Variants in TRAM2 observed in about 807,000 individuals in gnomAD.
The protein encoded by TRAM2 is translocating chain-associated membrane protein 2.
TRAM2 carries 12 observed loss-of-function variants against 51.0 expected under a neutral mutation model. The ratio of observed to expected loss-of-function variants is 0.24; its 90% CI spans 0.15 to 0.38. The LOEUF (loss-of-function observed/expected upper bound fraction) is 0.38. Among genes scored for constraint, TRAM2 ranks in the 10% least tolerant of loss-of-function variants. TRAM2 has a pLI of 1.00. For missense variants in TRAM2, 361 were observed against 462.0 expected (o/e 0.78, Z 2.00); for synonymous variants, 175 against 179.4 (o/e 0.98, Z 0.20).
At chr6:52,532,299 AG>A (rs951116643) in intron 2 of TRAM2, among the ~76,000 whole-genome samples, 5 of 152,214 alleles carry the variant, frequency 3.3e-5, no homozygotes, top group Admixed American at 1.3e-4. Flanking sequence ...ATGGTAAATT[AG>A]TAAGACAGCT....
At chr6:52,549,251 C>T (rs1767264871) in intron 1 of TRAM2, among the ~76,000 whole-genome samples, 1 of 138,562 alleles carries the variant, frequency 7.2e-6, no homozygotes, top group African/African-American at 2.5e-5. Flanking sequence ...CCCTCCTTCC[C>T]TCCCTTCCCT....
Position 52,535,796 on chromosome 6 carries a change from G to A in TRAM2, c.171C>T (p.Ser57=), listed in dbSNP as rs1425295928. ...AGTGATTCTTACCTGCTGTAGGCAC[G>A]CTAATGTTATACTGAGGTAAAATAA... ...FLFILPQYNI[S]VPTADSETVH... Residue 57 remains serine (S), a synonymous_variant, in exon 2 of 11, where the codon AGC becomes AGT. Transcript: ENST00000182527. The A allele has an allele frequency of 8.7e-6, 14 of 1,613,632 alleles. No homozygotes were observed. The highest frequency in any genetic ancestry group is 1.3e-5 in the African/African-American group (1 of 74,878).
chr6:52,521,731 C>T (rs868421197), intron 2 of TRAM2, among the ~76,000 whole-genome samples: 10 of 114,098 alleles, frequency 8.8e-5, no homozygotes, highest in East Asian at 4.7e-4. Flanking sequence ...TAAAATAAAA[C>T]AAAACAAAAT....
chr6:52,574,772 C>T (rs1049621328), intron 1 of TRAM2, among the ~76,000 whole-genome samples: 10 of 152,144 alleles, frequency 6.6e-5, no homozygotes, highest in African/African-American at 2.4e-4. Context: ...AGGTTTAATG[C>T]ACAGGACTTT....
At chr6:52,523,137 T>C (rs2114076369) in intron 2 of TRAM2, 1 of 414,510 alleles carries the variant, frequency 2.4e-6, no homozygotes, top group Non-Finnish European at 4.2e-6. Context: ...CAAATCTGGA[T>C]TTGTAAAATT....
chr6:52,535,920 G>GCC (rs1457390083), intron 1 of TRAM2, 74 bp from the exon 2 acceptor site: 3 of 1,307,360 alleles, frequency 2.3e-6, no homozygotes, highest in African/African-American at 2.9e-5. Flanking sequence ...GCTGCTAACC[G>GCC]CCCCTTTTAC....
chr6:52,522,965 C>A, intron 2 of TRAM2: 1 of 700,480 alleles, frequency 1.4e-6, no homozygotes, highest in South Asian at 1.5e-5. Context: ...CTGACCTCCT[C>A]TGCACAACCT....
intron 2 of TRAM2, among the ~76,000 whole-genome samples, chr6:52,519,144 C>T (rs1354895022): frequency 2.0e-5 from 3 of 152,232 alleles, no homozygotes; most frequent in African/African-American, 7.2e-5. Context: ...GAACCACGCA[C>T]AGGGCTCCAT....
At chr6:52,528,999 T>C (rs1766834928) in intron 2 of TRAM2, among the ~76,000 whole-genome samples, 1 of 151,704 alleles carries the variant, frequency 6.6e-6, no homozygotes, top group African/African-American at 2.4e-5. Context: ...CAAGTGATTC[T>C]CCTGCCTAAG....
intron 1 of TRAM2, among the ~76,000 whole-genome samples, chr6:52,542,335 C>T (rs77651145): frequency 0.13 from 18,923 of 150,128 alleles, 1,293 homozygotes; most frequent in African/African-American, 0.16. Context: ...GCCCACTGAT[C>T]ACCTGCATGC....
At chr6:52,514,511 C>T (rs1323032955) in intron 4 of TRAM2, among the ~76,000 whole-genome samples, 1 of 152,118 alleles carries the variant, frequency 6.6e-6, no homozygotes, top group Non-Finnish European at 1.5e-5. Context: ...CCAAGAAAAG[C>T]CTATGTGCTC....
chr6:52,526,614 C>T (rs1766786737), intron 2 of TRAM2, among the ~76,000 whole-genome samples: 2 of 152,190 alleles, frequency 1.3e-5, no homozygotes, highest in South Asian at 2.1e-4. Flanking sequence ...GTCTCAAACT[C>T]CTGACCTCAA....
intron 7 of TRAM2, among the ~76,000 whole-genome samples, chr6:52,506,734 A>C (rs1320128928): frequency 1.3e-5 from 2 of 152,208 alleles, no homozygotes; most frequent in Non-Finnish European, 2.9e-5. Context: ...CAGCCCTCAA[A>C]GACCCATCCG....
chr6:52,513,108 C>T (rs1344265880), intron 4 of TRAM2, among the ~76,000 whole-genome samples: 1 of 152,118 alleles, frequency 6.6e-6, no homozygotes, highest in Non-Finnish European at 1.5e-5. Context: ...GGCTGACATT[C>T]CTATAAAATT....
At chr6:52,526,461 A>G (rs1259383345) in intron 2 of TRAM2, among the ~76,000 whole-genome samples, 1 of 152,042 alleles carries the variant, frequency 6.6e-6, no homozygotes, top group African/African-American at 2.4e-5. Context: ...ATCTCAGCTC[A>G]CTGCAATCTC....
chr6:52,529,053 G>A (rs1044561544), intron 2 of TRAM2, among the ~76,000 whole-genome samples: 1 of 152,050 alleles, frequency 6.6e-6, no homozygotes, highest in Non-Finnish European at 1.5e-5. Context: ...ACCACGCCCG[G>A]CTAATTTTTT....
In TRAM2 at chr6:52,504,857, G is replaced by T; in HGVS notation, c.876-103C>A. 7.7e-6 allele frequency: 8 copies of T among 1,043,724 alleles called. 1 individual carries two copies. The South Asian group carries it at 9.2e-5, about 12-fold the overall frequency. The allele number at this position is 1,043,724 out of a possible 1,614,324, so 64.7% of individuals were successfully genotyped here. A position where few individuals can be genotyped will look rare whatever the true frequency, so the allele number is the denominator to read the frequency against. On this transcript the variant is annotated intron_variant, in intron 9 of 10. Transcript: ENST00000182527. ...GGGCCAGGGGCCCTGCAGTTCCCATGGCTTATCACGTCCGCCTTCACCACT... is the reference window on the plus strand; with the variant it reads ...GGGCCAGGGGCCCTGCAGTTCCCATTGCTTATCACGTCCGCCTTCACCACT...
intron 6 of TRAM2, 71 bp from the exon 7 acceptor site, chr6:52,507,694 G>T: frequency 6.7e-7 from 1 of 1,493,704 alleles, no homozygotes. Context: ...GGGGAAAAGT[G>T]CAGGGGGATG....
intron 1 of TRAM2, among the ~76,000 whole-genome samples, chr6:52,538,773 T>A (rs1767017936): frequency 6.6e-6 from 1 of 152,208 alleles, no homozygotes; most frequent in Admixed American, 6.5e-5. Context: ...ACATCTGGTA[T>A]GTGGGCTCTA....
Sources: gnomAD v4.1 joint callset for allele counts (sites outside exome capture counted in the v4.1 genomes callset) on GRCh38, gnomAD v4.1.1 for gene constraint, MANE v1.5 for transcripts, NCBI Gene and HGNC (gene_info 2026-07-23, HGNC 2026-07-21) for gene names.